BRF1: variants seen among roughly 807,000 people sequenced by gnomAD.
BRF1 encodes the protein BRF1 general transcription factor IIIB subunit.
A neutral mutation model predicts 81.7 loss-of-function variants in BRF1; 59 were observed. The observed-to-expected ratio is 0.72, with a 90% CI of 0.59 to 0.90. The LOEUF is 0.90. BRF1 is among the 40% of genes least tolerant of loss of function. BRF1 has a pLI of 0.00. For synonymous variants in BRF1, 491 were observed against 395.6 expected, an observed-to-expected ratio of 1.24 and a Z score of -2.86; for missense variants, 1,050 against 936.3, an observed-to-expected ratio of 1.12 and a Z score of -1.58.
At chr14:105,224,371 A>C (rs999777266) in intron 10 of BRF1, among the ~76,000 whole-genome samples, 3 of 152,210 alleles carry the variant, frequency 2.0e-5, no homozygotes, top group African/African-American at 7.2e-5. Context: ...TGTCTCCAAA[A>C]AAAGAAAAAG....
At chr14:105,216,001 T>G (rs1419589748) in intron 15 of BRF1, among the ~76,000 whole-genome samples, 7 of 100,756 alleles carry the variant, frequency 6.9e-5, no homozygotes, top group Non-Finnish European at 9.5e-5. Context: ...CACACACACA[T>G]GCACACACAC....
Position 105,219,148 on chromosome 14 carries a change from T to C in BRF1, c.1459+3A>G, listed in dbSNP as rs1424225538. 1.2e-6 allele frequency: 2 copies of C among 1,612,294 alleles called. No individual in the cohort carries two copies. The highest frequency in any genetic ancestry group is 4.5e-5 in the East Asian group (2 of 44,832). ...CGTGTGAGTGTGGGCGGGTGGCGCT[T>C]ACCCCTCTGTTCCCGCAGGTACTCG... On this transcript the variant is annotated splice_donor_region_variant and intron_variant, in intron 13 of 17. Transcript: ENST00000547530.
chr14:105,209,673 G>C lies in BRF1; in HGVS notation c.*878C>G. 1 of 664,962 alleles carries C rather than the reference G, an allele frequency of 1.5e-6. No individual in the cohort carries two copies. Among genetic ancestry groups the C allele is most frequent in the South Asian group, 1.6e-5 (1 of 61,760 alleles). 41.2% of individuals were successfully genotyped at this position (664,962 alleles called of 1,614,324 possible). On this transcript the variant is annotated 3_prime_UTR_variant, in exon 18 of 18. Transcript: ENST00000547530. ...TCGATGGGGGGCCTGATCCAGCTCT[G>C]ACAGGGAGCGCCACTGCCCTCTGGC...
chr14:105,216,058 A>C (rs587674984), intron 15 of BRF1, among the ~76,000 whole-genome samples: 1 of 151,328 alleles, frequency 6.6e-6, no homozygotes, highest in South Asian at 2.1e-4. Context: ...ACACAGACAC[A>C]GGCACACACA....
At chr14:105,215,614 AACAGGCACACACACACTGCATACACAGAC>A (rs1891025259) in intron 15 of BRF1, among the ~76,000 whole-genome samples, 5 of 132,346 alleles carry the variant, frequency 3.8e-5, no homozygotes, top group African/African-American at 8.6e-5. Flanking sequence ...CATACACAGA[AACAGGCACACACACACTGCATACACAGAC>A]ACAGGCACAC....
intron 3 of BRF1, among the ~76,000 whole-genome samples, chr14:105,257,590 G>A (rs1212611778): frequency 6.6e-6 from 1 of 152,164 alleles, no homozygotes; most frequent in Non-Finnish European, 1.5e-5. Context: ...AGGTGCATCT[G>A]AAGGCAGGCA....
Position 105,272,109 on chromosome 14 carries a change from A to C in BRF1, c.439+612T>G, listed in dbSNP as rs1259501433. ...GTCCACGCACAAGGCCAAGCTGCACACCGCTGAGGGTCGGGGGCCTCCTCG... is the reference window on the plus strand; with the variant it reads ...GTCCACGCACAAGGCCAAGCTGCACCCCGCTGAGGGTCGGGGGCCTCCTCG... On this transcript the variant is annotated intron_variant, in intron 3 of 17. Transcript: ENST00000547530. Among the ~76,000 whole-genome samples, 34 of 110,854 alleles carry C rather than the reference A, an allele frequency of 3.1e-4. 2 individuals carry two copies. Among genetic ancestry groups the C allele is most frequent in the Admixed American group, 1.9e-3 (22 of 11,704 alleles). The allele number at this position is 110,854 out of a possible 152,430, so 72.7% of individuals were successfully genotyped here.
chr14:105,219,525 G>A, intron 12 of BRF1: 1 of 562,850 alleles, frequency 1.8e-6, no homozygotes, highest in Non-Finnish European at 3.1e-6. Flanking sequence ...GCAGGCCACA[G>A]GTTCCCACAA....
chr14:105,268,545 G>A (rs770517268), intron 3 of BRF1, among the ~76,000 whole-genome samples: 5 of 152,240 alleles, frequency 3.3e-5, no homozygotes, highest in African/African-American at 9.6e-5. Flanking sequence ...CCTGAGGATC[G>A]GGCAACAATG....
rs1454190190 is a variant in BRF1, at chr14:105,265,080, T to TA, written c.439+7640dup. ...TTTTTTTTTTGTTTGTTTGTTTTTT[T>TA]AGAGACAGGGTCTCACTCTGTCGCC... On this transcript the variant is annotated intron_variant, in intron 3 of 17. Transcript: ENST00000547530. 1.7e-4 allele frequency among the ~76,000 whole-genome samples: 25 copies of TA among 149,944 alleles called. 1 individual carries two copies. The highest frequency in any genetic ancestry group is 6.0e-4 in the African/African-American group (24 of 40,258).
chr14:105,242,886 C>T (rs1392525150), intron 5 of BRF1, among the ~76,000 whole-genome samples: 1 of 151,898 alleles, frequency 6.6e-6, no homozygotes, highest in Non-Finnish European at 1.5e-5. Context: ...GAGATTAGGG[C>T]GGGTGGATGA....
intron 1 of BRF1, among the ~76,000 whole-genome samples, chr14:105,311,491 G>C (rs1300359797): frequency 6.6e-6 from 1 of 152,172 alleles, no homozygotes; most frequent in Non-Finnish European, 1.5e-5. Flanking sequence ...CTGAGGTCAC[G>C]GGATCTGTGC....
chr14:105,300,799 C>A lies in BRF1; in HGVS notation c.-170G>T. 3.2e-6 allele frequency: 1 copy of A among 315,656 alleles called. No individual in the cohort carries two copies. The highest frequency in any genetic ancestry group is 1.2e-4 in the East Asian group (1 of 8,348). The allele number at this position is 315,656 out of a possible 1,614,324, so 19.6% of individuals were successfully genotyped here. A position where few individuals can be genotyped will look rare whatever the true frequency, so the allele number is the denominator to read the frequency against. ...GCAGATTCGCCGCGCGCGCCCGGGCCGCGCCGCCCGCAACGGCCGCGCCCG... is the reference window on the plus strand; with the variant it reads ...GCAGATTCGCCGCGCGCGCCCGGGCAGCGCCGCCCGCAACGGCCGCGCCCG... On this transcript the variant is annotated 5_prime_UTR_variant, in exon 1 of 18. Coordinates refer to ENST00000547530, the MANE Select transcript of BRF1 (RefSeq NM_001519.4).
chr14:105,212,300 C>T lies in BRF1; in HGVS notation c.1773-136G>A, dbSNP rs1890244373. The T allele has an allele frequency of 6.7e-6, 8 of 1,201,640 alleles. No homozygotes were observed. The Admixed American group carries it at 1.5e-4, about 23-fold the overall frequency. 74.4% of individuals were successfully genotyped at this position (1,201,640 alleles called of 1,614,324 possible). ...TCCCTTTGGAAGCCTGGTTCTGCGT[C>T]CAGGTTCTGTGTGCTCCATCAGTGC... On this transcript the variant is annotated intron_variant, in intron 15 of 17. Transcript: ENST00000547530.
At position 105,247,282 on chromosome 14, in the gene BRF1, A is replaced by T. The variant is rs1595372289; in HGVS notation, c.544+5225T>A. 4 of 985,196 alleles carry T rather than the reference A, an allele frequency of 4.1e-6. No individual in the cohort carries two copies. In the South Asian group the frequency reaches 1.4e-4, roughly 35 times the overall value. 61.0% of individuals were successfully genotyped at this position (985,196 alleles called of 1,614,324 possible). A position where few individuals can be genotyped will look rare whatever the true frequency, so the allele number is the denominator to read the frequency against. ...ACGGCTTGGCCGTGCGGAGTTACGCACCCACCTGCAGCAGGTGATCTCCAG... is the reference window on the plus strand; with the variant it reads ...ACGGCTTGGCCGTGCGGAGTTACGCTCCCACCTGCAGCAGGTGATCTCCAG... On this transcript the variant is annotated intron_variant, in intron 5 of 17. Coordinates refer to ENST00000547530, the MANE Select transcript of BRF1 (RefSeq NM_001519.4).
chr14:105,296,675 C>A (rs1348854703), intron 1 of BRF1, among the ~76,000 whole-genome samples: 1 of 146,946 alleles, frequency 6.8e-6, no homozygotes, highest in Non-Finnish European at 1.5e-5. Context: ...GAGCAAGACA[C>A]CAGCTCAAAA....
chr14:105,249,006 G>GCGCCCGCGCCGCCCA (rs1384071061), intron 5 of BRF1: 1 of 1,056,594 alleles, frequency 9.5e-7, no homozygotes, highest in Non-Finnish European at 1.1e-6. Flanking sequence ...GCCGCCGCCC[G>GCGCCCGCGCCGCCCA]CGCCCGCGCC....
At position 105,209,859 on chromosome 14, in the gene BRF1, CTGG is replaced by C; in HGVS notation, c.*689_*691del. On this transcript the variant is annotated 3_prime_UTR_variant, in exon 18 of 18. Coordinates refer to ENST00000547530, the MANE Select transcript of BRF1 (RefSeq NM_001519.4). ...TCCTGGGCCCACAACTCAAGTGGCC[CTGG>C]AGCAGGGGTCTGACCCCCATGCTGC... 2.0e-6 allele frequency: 1 copy of C among 488,834 alleles called. No homozygotes were observed. The highest frequency in any genetic ancestry group is 3.6e-6 in the Non-Finnish European group (1 of 278,944). 30.3% of individuals were successfully genotyped at this position (488,834 alleles called of 1,614,324 possible). A position where few individuals can be genotyped will look rare whatever the true frequency, so the allele number is the denominator to read the frequency against.
intron 3 of BRF1, among the ~76,000 whole-genome samples, chr14:105,259,993 T>C (rs748833935): frequency 3.3e-5 from 5 of 152,094 alleles, no homozygotes; most frequent in Non-Finnish European, 5.9e-5. Flanking sequence ...ACAACTGGTC[T>C]GTAGTGGAAG....
Sources: gnomAD v4.1 joint callset for allele counts (sites outside exome capture counted in the v4.1 genomes callset) on GRCh38, gnomAD v4.1.1 for gene constraint, MANE v1.5 for transcripts, NCBI Gene and HGNC (gene_info 2026-07-23, HGNC 2026-07-21) for gene names.